CELF2: variants seen among roughly 807,000 people sequenced by gnomAD.
CELF2 encodes CUGBP Elav-like family member 2, also known as CUG triplet repeat RNA-binding protein 2.
A neutral mutation model predicts 62.6 loss-of-function variants in CELF2; 8 were observed. That is an observed-to-expected ratio of 0.13 (90% CI 0.07 to 0.23). The LOEUF (loss-of-function observed/expected upper bound fraction) is 0.23, where lower values mean the gene tolerates loss of function less well. Among genes scored for constraint, CELF2 ranks in the 10% least tolerant of loss-of-function variants. The probability of loss-of-function intolerance (pLI) is 1.00; values close to 1 mark genes in which losing one functional copy is unlikely to be tolerated. For synonymous variants in CELF2, 258 were observed against 250.0 expected, an observed-to-expected ratio of 1.03 and a Z score of -0.30; for missense variants, 333 against 671.0, an observed-to-expected ratio of 0.50 and a Z score of 5.56.
intron 2 of CELF2, among the ~76,000 whole-genome samples, chr10:10,969,842 C>T (rs2050570681): frequency 6.6e-6 from 1 of 152,126 alleles, no homozygotes; most frequent in Non-Finnish European, 1.5e-5. Flanking sequence ...TTTAAGGGTC[C>T]TGCTTCATCT....
At chr10:11,203,269 A>T (rs950641685) in intron 2 of CELF2, among the ~76,000 whole-genome samples, 3 of 152,080 alleles carry the variant, frequency 2.0e-5, no homozygotes, top group African/African-American at 7.2e-5. Context: ...GTTATCCTGA[A>T]ATCAAGGAAA....
chr10:10,837,675 C>G (rs2058392476), intron 1 of CELF2, among the ~76,000 whole-genome samples: 1 of 152,130 alleles, frequency 6.6e-6, no homozygotes. Context: ...GTGACATTCC[C>G]CACTCAATTA....
At chr10:10,699,902 C>A in the CELF2 span, among the ~76,000 whole-genome samples, 2 of 152,120 alleles carry the variant, frequency 1.3e-5, no homozygotes, top group Non-Finnish European at 1.5e-5. Flanking sequence ...GTTCTCACAG[C>A]CTTTTCCTTC....
intron 2 of CELF2, among the ~76,000 whole-genome samples, chr10:11,193,062 C>T (rs760698506): frequency 6.6e-6 from 1 of 152,178 alleles, no homozygotes; most frequent in African/African-American, 2.4e-5. Flanking sequence ...CCAACAACTA[C>T]TGCAGGTCAT....
chr10:10,631,377 C>T, the CELF2 span, among the ~76,000 whole-genome samples: 5 of 152,148 alleles, frequency 3.3e-5, no homozygotes, highest in African/African-American at 9.7e-5. Context: ...TGGAACTAAC[C>T]TTCCGTCTCC....
rs2091152330 is a variant in CELF2 at position 11,285,881 on chromosome 10, TTAC to T, written c.842-2536_842-2534del. ...TGTGTGTGTGTGTGTGTGTGTGTTT[TTAC>T]ATGGACTTGAAAATGAGTAAGACAT... On this transcript the variant is annotated intron_variant, in intron 8 of 12. Transcript: ENST00000633077. The surrounding 1 kb of genome is among the most constrained non-coding windows in gnomAD (Gnocchi z 4.3). Among the ~76,000 whole-genome samples, 1 of 115,962 alleles carries T rather than the reference TTAC, an allele frequency of 8.6e-6. No homozygotes were observed. Among genetic ancestry groups the T allele is most frequent in the African/African-American group, 3.3e-5 (1 of 30,740 alleles). 76.1% of individuals were successfully genotyped at this position (115,962 alleles called of 152,430 possible). A position where few individuals can be genotyped will look rare whatever the true frequency, so the allele number is the denominator to read the frequency against.
At chr10:10,689,353 C>T in the CELF2 span, among the ~76,000 whole-genome samples, 242 of 152,260 alleles carry the variant, frequency 1.6e-3, no homozygotes, top group Non-Finnish European at 2.8e-3. Flanking sequence ...ATCATGAGAA[C>T]AGCAAGGTGG....
At position 11,220,087 on chromosome 10, in the gene CELF2, A is replaced by C. The variant is rs549048752; in HGVS notation, c.354+2580A>C. On this transcript the variant is annotated intron_variant, in intron 3 of 12. Transcript: ENST00000633077. This position sits in a 1 kb window ranked among gnomAD's most constrained non-coding sequence, Gnocchi z 4.4. ...TTTCTGAATAAAACTAAAAGTGATA[A>C]AGAAAAAATACATCACCAGCTGACA... Among the ~76,000 whole-genome samples, 2 of 152,366 alleles carry C rather than the reference A, an allele frequency of 1.3e-5. No homozygotes were observed. Among genetic ancestry groups the C allele is most frequent in the South Asian group, 4.1e-4 (2 of 4,830 alleles).
At chr10:10,960,477 A>G (rs1336044883) in intron 2 of CELF2, 1 of 152,268 alleles carries the variant, frequency 6.6e-6, no homozygotes, top group Non-Finnish European at 1.5e-5. Context: ...ACCATGCTTC[A>G]CTGGGCATAG....
chr10:10,651,182 C>A, the CELF2 span, among the ~76,000 whole-genome samples: 216 of 121,804 alleles, frequency 1.8e-3, 21 homozygotes, highest in Admixed American at 0.015. Context: ...AAACGGCGCA[C>A]CACGAGATTA....
chr10:11,198,102 T>C (rs1018938134), intron 2 of CELF2, among the ~76,000 whole-genome samples: 3 of 152,266 alleles, frequency 2.0e-5, no homozygotes, highest in African/African-American at 7.2e-5. Context: ...AGGATTAATC[T>C]GGAACCCACT....
chr10:11,105,112 G>A (rs374415186), intron 1 of CELF2, among the ~76,000 whole-genome samples: 2 of 152,206 alleles, frequency 1.3e-5, no homozygotes, highest in Admixed American at 6.5e-5. Context: ...TGGGTTATCC[G>A]ATGGGAAATA....
At chr10:10,716,215 T>C in the CELF2 span, among the ~76,000 whole-genome samples, 1 of 152,202 alleles carries the variant, frequency 6.6e-6, no homozygotes. Flanking sequence ...AAATAGTTCA[T>C]GAAAGTTCTA....
the CELF2 span, among the ~76,000 whole-genome samples, chr10:10,476,293 T>G: frequency 6.6e-6 from 1 of 152,136 alleles, no homozygotes; most frequent in Admixed American, 6.6e-5. Flanking sequence ...AGTCACACGG[T>G]GTGAATTATT....
rs66721705 is a variant in CELF2, at chr10:10,828,000, T to TAAAAAAAAAAAAAAAAAA, written c.53+29190_53+29207dup. Among the ~76,000 whole-genome samples, 24 of 60,712 alleles carry TAAAAAAAAAAAAAAAAAA rather than the reference T, an allele frequency of 4.0e-4. 1 individual carries two copies. Among genetic ancestry groups the TAAAAAAAAAAAAAAAAAA allele is most frequent in the Non-Finnish European group, 5.6e-4 (19 of 33,970 alleles). The allele number at this position is 60,712 out of a possible 152,430, so 39.8% of individuals were successfully genotyped here. A position where few individuals can be genotyped will look rare whatever the true frequency, so the allele number is the denominator to read the frequency against. ...TCATACCCGTCAGGAAGGCTAGTCT[T>TAAAAAAAAAAAAAAAAAA]AAAAAAAAAAAAAAAAAAAAAAAAG... is the stretch of plus-strand genomic sequence containing the variant. On this transcript the variant is annotated intron_variant, in intron 1 of 13. Coordinates refer to the CELF2 transcript ENST00000636488.
At chr10:10,658,123 GTTAC>G in the CELF2 span, among the ~76,000 whole-genome samples, 2 of 152,056 alleles carry the variant, frequency 1.3e-5, no homozygotes, top group East Asian at 3.9e-4. Flanking sequence ...GTTGAGAATG[GTTAC>G]TTAAAAATTC....
chr10:10,973,943 T>A (rs1189011434), intron 2 of CELF2, among the ~76,000 whole-genome samples: 1 of 152,198 alleles, frequency 6.6e-6, no homozygotes, highest in South Asian at 2.1e-4. Flanking sequence ...TCCAACTCCA[T>A]TTTTGGTACC....
chr10:11,104,529 A>G (rs1254697956), intron 1 of CELF2, among the ~76,000 whole-genome samples: 1 of 152,136 alleles, frequency 6.6e-6, no homozygotes, highest in African/African-American at 2.4e-5. Context: ...CAAAAAATAC[A>G]AAAATTAGCC....
chr10:10,578,946 C>A, the CELF2 span, among the ~76,000 whole-genome samples: 2 of 152,194 alleles, frequency 1.3e-5, no homozygotes, highest in African/African-American at 2.4e-5. Context: ...TGTTGGGACT[C>A]TTCAACTACA....
Sources: allele counts gnomAD v4.1 joint callset (sites outside exome capture counted in the v4.1 genomes callset), GRCh38; gene constraint gnomAD v4.1.1; non-coding constraint Gnocchi (gnomAD v3.1); transcripts MANE v1.5; gene names NCBI Gene and HGNC (gene_info 2026-07-23, HGNC 2026-07-21).